Variants in CELF6 observed in about 807,000 individuals in gnomAD.
The protein encoded by CELF6 is CUGBP Elav-like family member 6.
CELF6 carries 32 observed loss-of-function variants against 53.1 expected under a neutral mutation model. The ratio of observed to expected loss-of-function variants is 0.60; its 90% CI spans 0.46 to 0.81. The LOEUF (loss-of-function observed/expected upper bound fraction) is 0.81. Among genes scored for constraint, CELF6 ranks in the 30% least tolerant of loss-of-function variants. The probability of loss-of-function intolerance (pLI) is 0.00; values close to 1 mark genes in which losing one functional copy is unlikely to be tolerated. For missense variants in CELF6, 539 were observed against 669.5 expected, an observed-to-expected ratio of 0.81 and a Z score of 2.15; for synonymous variants, 291 against 288.8, an observed-to-expected ratio of 1.01 and a Z score of -0.08.
chr15:72,292,914 C>T (rs757472887), intron 3 of CELF6, among the ~76,000 whole-genome samples: 1 of 152,212 alleles, frequency 6.6e-6, no homozygotes, highest in Non-Finnish European at 1.5e-5. Flanking sequence ...ATAATCCCAG[C>T]TATTCAGGAG....
intron 3 of CELF6, among the ~76,000 whole-genome samples, chr15:72,298,107 T>G (rs2088102809): frequency 6.6e-6 from 1 of 152,246 alleles, no homozygotes; most frequent in African/African-American, 2.4e-5. Context: ...AAGGTCTATT[T>G]CTGATTTAGG....
chr15:72,306,392 C>T, intron 2 of CELF6: 1 of 694,286 alleles, frequency 1.4e-6, no homozygotes, highest in Non-Finnish European at 1.8e-6. Context: ...AATCAGGGGC[C>T]ACTCCATCCC....
In CELF6 at chr15:72,319,580, G is replaced by GGGGGT; in HGVS notation, c.262+32_262+33insACCCC. 1 of 1,510,606 alleles carries GGGGGT rather than the reference G, an allele frequency of 6.6e-7. No homozygotes were observed. Among genetic ancestry groups the GGGGGT allele is most frequent in the Non-Finnish European group, 8.9e-7 (1 of 1,123,820 alleles). The allele number at this position is 1,510,606 out of a possible 1,614,324, so 93.6% of individuals were successfully genotyped here. On this transcript the variant is annotated intron_variant, in intron 1 of 12. Coordinates refer to ENST00000287202, the MANE Select transcript of CELF6 (RefSeq NM_052840.5). The surrounding 1 kb of genome is among the most constrained non-coding windows in gnomAD (Gnocchi z 5.0). ...GGTCGGGCCACACTCTAATCGGATT[G>GGGGGT]GGGCTGGGCTGGGCTGGGCTGACCC...
At chr15:72,295,826 C>T (rs966522153) in intron 3 of CELF6, among the ~76,000 whole-genome samples, 1 of 152,040 alleles carries the variant, frequency 6.6e-6, no homozygotes, top group African/African-American at 2.4e-5. Flanking sequence ...CAATACTACT[C>T]CAAGTGATCT....
At chr15:72,303,346 GA>G (rs1474447890) in intron 3 of CELF6, among the ~76,000 whole-genome samples, 3 of 151,932 alleles carry the variant, frequency 2.0e-5, no homozygotes, top group African/African-American at 7.3e-5. Context: ...AGGAAACTTG[GA>G]AATATCTCTC....
At chr15:72,310,973 T>C (rs986361749) in intron 2 of CELF6, among the ~76,000 whole-genome samples, 3 of 152,160 alleles carry the variant, frequency 2.0e-5, no homozygotes, top group African/African-American at 7.2e-5. Flanking sequence ...TTAGCTATCT[T>C]TGCTAGACAC....
At chr15:72,292,185 T>C in intron 3 of CELF6, 1 of 1,529,648 alleles carries the variant, frequency 6.5e-7, no homozygotes, top group Non-Finnish European at 8.8e-7. Context: ...GAAAGCCCTT[T>C]GAAATTACTG....
rs182041721 is a variant in CELF6 at position 72,318,148 on chromosome 15, G to T, written c.262+1465C>A. 2.6e-4 allele frequency among the ~76,000 whole-genome samples: 39 copies of T among 152,296 alleles called. No homozygotes were observed. The East Asian group carries it at 7.5e-3, about 29-fold the overall frequency. On this transcript the variant is annotated intron_variant, in intron 1 of 12. Coordinates refer to ENST00000287202, the MANE Select transcript of CELF6 (RefSeq NM_052840.5). ...CTACAGAGGGATGGACAGACAGGCA[G>T]GTAGTGGGAGTGCATTAGAAGGACT...
In CELF6 at chr15:72,288,893, G is replaced by A. The variant is rs778679475; in HGVS notation, c.1068C>T (p.Ala356=). ...SPGVADPLQQ[A]YAGMHHYAAA... is the part of the protein sequence containing the mutation. ...CTGCGTAGTGGTGCATCCCAGCGTAGGCCTGCTGCAGGGGGTCAGCCACGC... is the reference window on the plus strand; with the variant it reads ...CTGCGTAGTGGTGCATCCCAGCGTAAGCCTGCTGCAGGGGGTCAGCCACGC... Residue 356 remains alanine (A), a synonymous_variant, in exon 9 of 13, where the codon GCC becomes GCT. Coordinates refer to ENST00000287202, the MANE Select transcript of CELF6 (RefSeq NM_052840.5). The surrounding 1 kb of genome is among the most constrained non-coding windows in gnomAD (Gnocchi z 4.6). 50 of 1,550,866 alleles carry A rather than the reference G, an allele frequency of 3.2e-5. No homozygotes were observed. The highest frequency in any genetic ancestry group is 4.4e-6 in the Non-Finnish European group (5 of 1,147,072).
chr15:72,304,783 C>G lies in CELF6; in HGVS notation c.357G>C (p.Pro119=), dbSNP rs780757967. The G allele has an allele frequency of 1.2e-5, 19 of 1,614,024 alleles. No individual in the cohort carries two copies. In the Admixed American group the frequency reaches 3.0e-4, roughly 25 times the overall value. Residue 119 remains proline (P), a synonymous_variant, in exon 3 of 13, where the codon CCG becomes CCC. Transcript: ENST00000287202. ...EQKTLPGMNR[P]IQVKPAASEG... ...CACTGGCAGCTGGCTTCACTTGGATCGGACGATTCATCTGAAAGACATCGG... is the reference window on the plus strand; with the variant it reads ...CACTGGCAGCTGGCTTCACTTGGATGGGACGATTCATCTGAAAGACATCGG...
chr15:72,289,331 C>A lies in CELF6; in HGVS notation c.880+44G>T. On this transcript the variant is annotated intron_variant, in intron 7 of 12. Transcript: ENST00000287202. This position sits in a 1 kb window ranked among gnomAD's most constrained non-coding sequence, Gnocchi z 7.6. ...TGAGAGTCAGGCCGCCACCCCGCCC[C>A]GCCCGGCCCCTCCCAGGCGCGCCCC... is the stretch of plus-strand genomic sequence containing the variant. 1.3e-6 allele frequency: 2 copies of A among 1,536,736 alleles called. No individual in the cohort carries two copies. The highest frequency in any genetic ancestry group is 2.4e-5 in the South Asian group (2 of 84,226).
At chr15:72,309,668 GC>G (rs1393969740) in intron 2 of CELF6, among the ~76,000 whole-genome samples, 1 of 152,164 alleles carries the variant, frequency 6.6e-6, no homozygotes, top group Non-Finnish European at 1.5e-5. Flanking sequence ...AAAGAGAGCT[GC>G]CCCCATGAGC....
In CELF6 at chr15:72,319,824, G is replaced by C. The variant is rs2088405971; in HGVS notation, c.51C>G (p.Arg17=). The part of the protein sequence containing the change: ...GSAQPAGPGP[R]LGFSTADSGV... Reference sequence around the variant, plus strand: ...CGCTGTCCGCGGTGCTGAAACCCAGGCGCGGGCCGGGGCCAGCGGGCTGCG... The same window carrying C: ...CGCTGTCCGCGGTGCTGAAACCCAGCCGCGGGCCGGGGCCAGCGGGCTGCG... Residue 17 remains arginine, a synonymous_variant, in exon 1 of 13, where the codon CGC becomes CGG. Transcript: ENST00000287202. This position sits in a 1 kb window ranked among gnomAD's most constrained non-coding sequence, Gnocchi z 5.0. 6.5e-7 allele frequency: 1 copy of C among 1,549,958 alleles called. No homozygotes were observed. The highest frequency in any genetic ancestry group is 8.7e-7 in the Non-Finnish European group (1 of 1,146,202).
At chr15:72,296,352 A>G (rs2088077447) in intron 3 of CELF6, among the ~76,000 whole-genome samples, 1 of 152,220 alleles carries the variant, frequency 6.6e-6, no homozygotes, top group Non-Finnish European at 1.5e-5. Context: ...CACAGGCAAC[A>G]AAAGTAAAAA....
Position 72,289,891 on chromosome 15 carries a change from G to A in CELF6, c.603+48C>T, listed in dbSNP as rs1567277964. 1.3e-6 allele frequency: 2 copies of A among 1,530,558 alleles called. No individual in the cohort carries two copies. Among genetic ancestry groups the A allele is most frequent in the African/African-American group, 1.4e-5 (1 of 72,928 alleles). The allele number at this position is 1,530,558 out of a possible 1,614,324, so 94.8% of individuals were successfully genotyped here. ...GAGCACACTCGGGGAGGAGAAGCCC[G>A]TCCCCACCCCACTGGCCTCACCCTC... On this transcript the variant is annotated intron_variant, in intron 5 of 12. Transcript: ENST00000287202. The surrounding 1 kb of genome is among the most constrained non-coding windows in gnomAD (Gnocchi z 7.6).
At chr15:72,314,382 A>G (rs1774417734) in intron 2 of CELF6, among the ~76,000 whole-genome samples, 1 of 152,132 alleles carries the variant, frequency 6.6e-6, no homozygotes, top group Non-Finnish European at 1.5e-5. Flanking sequence ...CAACAGTAGT[A>G]CTTATTGAGA....
rs1325552950 is a variant in CELF6, at chr15:72,320,139, T to G, written c.-265A>C. 1.4e-5 allele frequency: 9 copies of G among 634,372 alleles called. No individual in the cohort carries two copies. Among genetic ancestry groups the G allele is most frequent in the Non-Finnish European group, 2.3e-5 (8 of 342,114 alleles). 39.3% of individuals were successfully genotyped at this position (634,372 alleles called of 1,614,324 possible). A position where few individuals can be genotyped will look rare whatever the true frequency, so the allele number is the denominator to read the frequency against. ...CTTGAGGTCCCCGTGCGGCTCTCTC[T>G]GGGCTCCCGCCCGAGCTCTCCCAGA... On this transcript the variant is annotated 5_prime_UTR_variant, in exon 1 of 13. Transcript: ENST00000287202.
chr15:72,304,661 C>T (rs1337987136), intron 3 of CELF6, 85 bp downstream of exon 3: 5 of 1,278,152 alleles, frequency 3.9e-6, no homozygotes, highest in East Asian at 2.3e-5. Context: ...GGCTCTCATA[C>T]TAAATGGGTA....
chr15:72,309,483 G>A, intron 2 of CELF6, among the ~76,000 whole-genome samples: 1 of 152,166 alleles, frequency 6.6e-6, no homozygotes. Flanking sequence ...CATCGCTTGG[G>A]AGTTGGGGAA....
Sources: allele counts gnomAD v4.1 joint callset (sites outside exome capture counted in the v4.1 genomes callset), GRCh38; gene constraint gnomAD v4.1.1; non-coding constraint Gnocchi (gnomAD v3.1); transcripts MANE v1.5; gene names NCBI Gene and HGNC (gene_info 2026-07-23, HGNC 2026-07-21).